The following TOX2 variants were observed in gnomAD, a reference collection of about 807,000 sequenced individuals.
TOX2 encodes TOX high mobility group box family member 2.
Under a neutral mutation model 47.4 loss-of-function variants are expected in TOX2, and 15 were observed. The ratio of observed to expected loss-of-function variants is 0.32; its 90% CI spans 0.21 to 0.49. The LOEUF is 0.49. Among genes scored for constraint, TOX2 ranks in the 20% least tolerant of loss-of-function variants. The pLI, the probability that TOX2 is intolerant of heterozygous loss-of-function variation, is 0.99. For synonymous variants in TOX2, 290 were observed against 296.6 expected (o/e 0.98, Z 0.23); for missense variants, 622 against 673.1 (o/e 0.92, Z 0.84).
intron 1 of TOX2, among the ~76,000 whole-genome samples, chr20:43,939,402 T>C (rs1418165892): frequency 6.6e-6 from 1 of 152,186 alleles, no homozygotes; most frequent in Non-Finnish European, 1.5e-5. Flanking sequence ...CTTCCGCCAA[T>C]TTCTGGGCAA....
chr20:43,952,878 A>G (rs1256221668), intron 1 of TOX2, among the ~76,000 whole-genome samples: 3 of 152,050 alleles, frequency 2.0e-5, no homozygotes, highest in Admixed American at 2.0e-4. Context: ...AAACCTGTGT[A>G]TGTTACTTTA....
intron 1 of TOX2, among the ~76,000 whole-genome samples, chr20:43,944,815 G>A (rs978614073): frequency 6.6e-6 from 1 of 152,152 alleles, no homozygotes; most frequent in Non-Finnish European, 1.5e-5. Flanking sequence ...CACTTAATAG[G>A]TACTATTATC....
intron 5 of TOX2, among the ~76,000 whole-genome samples, chr20:44,062,396 A>AAATAAATAAATG (rs553470154): frequency 6.7e-6 from 1 of 149,098 alleles, no homozygotes; most frequent in African/African-American, 2.5e-5. Flanking sequence ...ATAAATAAAT[A>AAATAAATAAATG]AATAAATAAA....
intron 1 of TOX2, among the ~76,000 whole-genome samples, chr20:43,971,281 A>G (rs1280983797): frequency 6.6e-6 from 1 of 152,234 alleles, no homozygotes; most frequent in Admixed American, 6.5e-5. Flanking sequence ...AGAGGAATCT[A>G]ATCATAAGCA....
intron 1 of TOX2, among the ~76,000 whole-genome samples, chr20:43,959,534 C>T (rs868078880): frequency 2.6e-5 from 4 of 152,206 alleles, no homozygotes; most frequent in African/African-American, 7.2e-5. Flanking sequence ...TTCTTTTCTT[C>T]TTCTTTTTGA....
chr20:44,026,240 T>TAG lies in TOX2; in HGVS notation c.411+19449_411+19450insGA, dbSNP rs1569109136. Among the ~76,000 whole-genome samples, 8 of 101,414 alleles carry TAG rather than the reference T, an allele frequency of 7.9e-5. 1 individual carries two copies. Among genetic ancestry groups the TAG allele is most frequent in the Non-Finnish European group, 1.6e-4 (8 of 50,024 alleles). The allele number at this position is 101,414 out of a possible 152,430, so 66.5% of individuals were successfully genotyped here. A position where few individuals can be genotyped will look rare whatever the true frequency, so the allele number is the denominator to read the frequency against. ...ATAAAGAAACTGTGATATATATATA[T>TAG]ATATATATAGACACACACACACACA... is the stretch of plus-strand genomic sequence containing the variant. On this transcript the variant is annotated intron_variant, in intron 3 of 8. Transcript: ENST00000341197.
intron 3 of TOX2, among the ~76,000 whole-genome samples, chr20:44,025,860 T>C (rs1013050140): frequency 2.0e-5 from 3 of 151,750 alleles, no homozygotes; most frequent in African/African-American, 4.8e-5. Context: ...CTGTAAAAAA[T>C]GGTAACCATC....
At chr20:43,972,672 G>A (rs1482575902) in intron 1 of TOX2, among the ~76,000 whole-genome samples, 7 of 152,226 alleles carry the variant, frequency 4.6e-5, no homozygotes, top group African/African-American at 1.7e-4. Context: ...ACACTTCAGG[G>A]CAAAGAGGGA....
At chr20:43,991,321 T>C (rs186651113) in intron 2 of TOX2, among the ~76,000 whole-genome samples, 136 of 152,334 alleles carry the variant, frequency 8.9e-4, no homozygotes, top group Admixed American at 2.2e-3. Flanking sequence ...GCAGGAAAGA[T>C]GGTGCAGCAC....
rs1569003369 is a variant in TOX2, at chr20:43,927,615, T to TTCCCTTCCCTTCC, written c.99+12625_99+12626insTCCCTTCCCTTCC. On this transcript the variant is annotated intron_variant, in intron 1 of 8. Coordinates refer to ENST00000341197, the MANE Select transcript of TOX2 (RefSeq NM_001098797.2). The stretch of plus-strand genomic sequence containing the variant: ...TTCCTTCCTTCCTTCCTTCCTTCCT[T>TTCCCTTCCCTTCC]CCTTCCTTCCTCCTTCCTTCCTTCC... Among the ~76,000 whole-genome samples, 35 of 74,962 alleles carry TTCCCTTCCCTTCC rather than the reference T, an allele frequency of 4.7e-4. No individual in the cohort carries two copies. In the African/African-American group the frequency reaches 5.2e-3, roughly 11 times the overall value. The allele number at this position is 74,962 out of a possible 152,430, so 49.2% of individuals were successfully genotyped here.
chr20:43,954,906 A>G (rs2069640531), intron 1 of TOX2, among the ~76,000 whole-genome samples: 1 of 152,170 alleles, frequency 6.6e-6, no homozygotes, highest in Non-Finnish European at 1.5e-5. Context: ...CCTATGTAAA[A>G]TGGGCATACA....
intron 1 of TOX2, among the ~76,000 whole-genome samples, chr20:43,926,032 T>G (rs2069162743): frequency 6.6e-6 from 1 of 152,196 alleles, no homozygotes; most frequent in African/African-American, 2.4e-5. Context: ...CTAATTAAAA[T>G]GTGCTTATTT....
At chr20:43,927,617 C>CTTCT (rs1461218595) in intron 1 of TOX2, among the ~76,000 whole-genome samples, 2 of 74,760 alleles carry the variant, frequency 2.7e-5, no homozygotes. Context: ...TCCTTCCTTC[C>CTTCT]TTCCTTCCTC....
intron 1 of TOX2, among the ~76,000 whole-genome samples, chr20:43,963,763 C>T (rs2145437386): frequency 6.6e-6 from 1 of 152,292 alleles, no homozygotes; most frequent in Non-Finnish European, 1.5e-5. Context: ...AAAATCGGCC[C>T]TGGCAGTTGG....
intron 5 of TOX2, among the ~76,000 whole-genome samples, chr20:44,063,459 T>A (rs936435851): frequency 1.2e-4 from 19 of 152,104 alleles, no homozygotes; most frequent in African/African-American, 4.6e-4. Flanking sequence ...AAAAAATAGA[T>A]GTTGGCATGG....
At chr20:43,983,604 C>T (rs185216784) in intron 2 of TOX2, among the ~76,000 whole-genome samples, 327 of 152,312 alleles carry the variant, frequency 2.1e-3, no homozygotes, top group African/African-American at 7.4e-3. Flanking sequence ...TTCGAGGCTC[C>T]GCCCTGCTCT....
chr20:43,990,608 T>TG (rs1369130488), intron 2 of TOX2, among the ~76,000 whole-genome samples: 1 of 152,140 alleles, frequency 6.6e-6, no homozygotes, highest in Non-Finnish European at 1.5e-5. Context: ...ATGCAGTGTT[T>TG]GGGGGCTACA....
At chr20:44,057,977 T>C (rs2071651224) in intron 5 of TOX2, among the ~76,000 whole-genome samples, 1 of 152,164 alleles carries the variant, frequency 6.6e-6, no homozygotes, top group Non-Finnish European at 1.5e-5. Flanking sequence ...AAGAGCAGTT[T>C]TAGAGCAGAA....
intron 2 of TOX2, among the ~76,000 whole-genome samples, chr20:44,003,759 G>A (rs1344984346): frequency 6.6e-6 from 1 of 152,180 alleles, no homozygotes; most frequent in Non-Finnish European, 1.5e-5. Flanking sequence ...TGTGGCAGGC[G>A]GAGTGCAGCA....
Sources: gnomAD v4.1 joint callset for allele counts (sites outside exome capture counted in the v4.1 genomes callset) on GRCh38, gnomAD v4.1.1 for gene constraint, MANE v1.5 for transcripts, NCBI Gene and HGNC (gene_info 2026-07-23, HGNC 2026-07-21) for gene names.